Variants in MAP2K4 observed in about 807,000 individuals in gnomAD.
The protein encoded by MAP2K4 is mitogen-activated protein kinase kinase 4.
MAP2K4 carries 4 observed loss-of-function variants against 48.5 expected under a neutral mutation model. That is an observed-to-expected ratio of 0.08 (90% confidence interval 0.04 to 0.19). The LOEUF is 0.19. Ranked by LOEUF, MAP2K4 falls within the 10% of genes least tolerant of loss-of-function variation. The pLI, the probability that MAP2K4 is intolerant of heterozygous loss-of-function variation, is 1.00. For missense variants in MAP2K4, 258 were observed against 493.3 expected (o/e 0.52, Z 4.52); for synonymous variants, 166 against 173.1 (o/e 0.96, Z 0.32).
intron 8 of MAP2K4, among the ~76,000 whole-genome samples, chr17:12,125,601 A>C (rs1394881744): frequency 6.6e-6 from 1 of 152,166 alleles, no homozygotes; most frequent in East Asian, 1.9e-4. Context: ...TAATGTTTTA[A>C]CTGGATCTCT....
intron 2 of MAP2K4, among the ~76,000 whole-genome samples, chr17:12,080,153 A>G (rs1288835433): frequency 6.6e-6 from 1 of 152,202 alleles, no homozygotes; most frequent in African/African-American, 2.4e-5. Flanking sequence ...TTAAAGTTCT[A>G]AGTTTTTTGG....
At chr17:12,026,332 T>C (rs899660788) in intron 1 of MAP2K4, among the ~76,000 whole-genome samples, 1 of 152,158 alleles carries the variant, frequency 6.6e-6, no homozygotes, top group Non-Finnish European at 1.5e-5. Flanking sequence ...GTTTCCTTAT[T>C]TTTAGGGGTC....
chr17:12,118,916 A>G (rs1972586603), intron 7 of MAP2K4, among the ~76,000 whole-genome samples: 2 of 152,236 alleles, frequency 1.3e-5, no homozygotes, highest in Non-Finnish European at 2.9e-5. Context: ...TGGATTCCAT[A>G]TGTTAAAGTG....
chr17:12,021,214 C>A, intron 1 of MAP2K4: 1 of 317,938 alleles, frequency 3.1e-6, no homozygotes, highest in Non-Finnish European at 5.7e-6. Context: ...CCGGCCGCGG[C>A]CTCTGCCTGC....
At position 12,054,036 on chromosome 17, in the gene MAP2K4, A is replaced by G. The variant is rs936314978; in HGVS notation, c.116-853A>G. ...TACAAGGTATCCTTTTAAGTCCTAA[A>G]GAAATGATTCTGTAAGACTTATTGA... On this transcript the variant is annotated intron_variant, in intron 1 of 10. Coordinates refer to ENST00000353533, the MANE Select transcript of MAP2K4 (RefSeq NM_003010.4). Among the ~76,000 whole-genome samples, 9 of 152,332 alleles carry G rather than the reference A, an allele frequency of 5.9e-5. No individual in the cohort carries two copies. The East Asian group carries it at 1.7e-3, about 29-fold the overall frequency.
intron 1 of MAP2K4, among the ~76,000 whole-genome samples, chr17:12,050,184 T>A (rs1970092774): frequency 6.6e-6 from 1 of 152,054 alleles, no homozygotes; most frequent in Admixed American, 6.5e-5. Flanking sequence ...TGTGATATAA[T>A]GAAACGAAAC....
chr17:12,073,813 C>G (rs893941098), intron 2 of MAP2K4, among the ~76,000 whole-genome samples: 1 of 144,302 alleles, frequency 6.9e-6, no homozygotes, highest in African/African-American at 2.5e-5. Flanking sequence ...CGTACTGTTG[C>G]CTGGGCTGGA....
At chr17:12,063,736 G>A (rs186781641) in intron 2 of MAP2K4, among the ~76,000 whole-genome samples, 1 of 152,120 alleles carries the variant, frequency 6.6e-6, no homozygotes, top group African/African-American at 2.4e-5. Flanking sequence ...ACTTTGGGAG[G>A]CCGAGGCAGG....
intron 9 of MAP2K4, among the ~76,000 whole-genome samples, chr17:12,132,439 G>A (rs1973058773): frequency 6.6e-6 from 1 of 152,156 alleles, no homozygotes; most frequent in African/African-American, 2.4e-5. Context: ...TAAATCTCAC[G>A]AATGATGTTG....
At chr17:12,102,180 C>A (rs902415508) in intron 4 of MAP2K4, among the ~76,000 whole-genome samples, 1 of 151,786 alleles carries the variant, frequency 6.6e-6, no homozygotes. Flanking sequence ...AAGGAAGTTT[C>A]TTTTTACTCC....
chr17:12,083,249 C>G (rs149391391), intron 3 of MAP2K4, among the ~76,000 whole-genome samples: 1 of 152,176 alleles, frequency 6.6e-6, no homozygotes, highest in Non-Finnish European at 1.5e-5. Flanking sequence ...AAAAGTTTTT[C>G]TCACTGATTA....
chr17:12,116,646 T>C (rs1174380948), intron 7 of MAP2K4, among the ~76,000 whole-genome samples: 1 of 152,208 alleles, frequency 6.6e-6, no homozygotes, highest in Non-Finnish European at 1.5e-5. Flanking sequence ...TGTTAAAAAC[T>C]AAGACATCAT....
chr17:12,023,906 A>G (rs1969173441), intron 1 of MAP2K4, among the ~76,000 whole-genome samples: 2 of 152,208 alleles, frequency 1.3e-5, no homozygotes, highest in East Asian at 1.9e-4. Context: ...GGGACCTGAC[A>G]TGTAGTAAGG....
chr17:12,061,723 C>T (rs1970453525), intron 2 of MAP2K4, among the ~76,000 whole-genome samples: 1 of 152,176 alleles, frequency 6.6e-6, no homozygotes, highest in Admixed American at 6.5e-5. Context: ...ATACATCTGA[C>T]TTCTTAGCTA....
intron 9 of MAP2K4, among the ~76,000 whole-genome samples, chr17:12,132,876 C>A (rs1326049871): frequency 6.6e-6 from 1 of 152,034 alleles, no homozygotes; most frequent in African/African-American, 2.4e-5. Flanking sequence ...CCATATTAGC[C>A]ATGTAGGTAA....
chr17:12,111,129 A>G (rs1185007911), intron 6 of MAP2K4, among the ~76,000 whole-genome samples: 2 of 152,188 alleles, frequency 1.3e-5, no homozygotes, highest in African/African-American at 4.8e-5. Context: ...GCAAATTTGT[A>G]ACGGAAAAAC....
At chr17:12,027,161 G>A (rs1969278482) in intron 1 of MAP2K4, among the ~76,000 whole-genome samples, 1 of 152,080 alleles carries the variant, frequency 6.6e-6, no homozygotes, top group Admixed American at 6.6e-5. Context: ...CGGTAAGGTT[G>A]GGAGTTTAAT....
At chr17:12,057,588 A>C (rs1970321964) in intron 2 of MAP2K4, among the ~76,000 whole-genome samples, 1 of 151,962 alleles carries the variant, frequency 6.6e-6, no homozygotes, top group Non-Finnish European at 1.5e-5. Context: ...TTCTGGGAAA[A>C]TTGCTGCTGC....
intron 2 of MAP2K4, among the ~76,000 whole-genome samples, chr17:12,069,379 A>G (rs189330144): frequency 1.1e-3 from 172 of 152,290 alleles, no homozygotes; most frequent in African/African-American, 3.9e-3. Flanking sequence ...TTAGAGTACA[A>G]CTGACACAGG....
Sources: gnomAD v4.1 joint callset for allele counts (sites outside exome capture counted in the v4.1 genomes callset) on GRCh38, gnomAD v4.1.1 for gene constraint, MANE v1.5 for transcripts, NCBI Gene and HGNC (gene_info 2026-07-23, HGNC 2026-07-21) for gene names.